PCDHA2: variants seen among roughly 807,000 people sequenced by gnomAD.
PCDHA2 encodes protocadherin alpha 2, also known as protocadherin alpha-2.
A neutral mutation model predicts 66.0 loss-of-function variants in PCDHA2; 58 were observed. That is an observed-to-expected ratio of 0.88 (90% CI 0.71 to 1.09). The LOEUF (loss-of-function observed/expected upper bound fraction) is 1.09, where lower values mean the gene tolerates loss of function less well. PCDHA2 is among the 50% of genes least tolerant of loss of function. The probability of loss-of-function intolerance (pLI) is 0.00; values close to 1 mark genes in which losing one functional copy is unlikely to be tolerated. For synonymous variants in PCDHA2, 634 were observed against 554.0 expected (o/e 1.14, Z -2.03); for missense variants, 1,267 against 1,242.3 (o/e 1.02, Z -0.30).
chr5:140,874,211 A>G (rs1257270226), intron 1 of PCDHA2, among the ~76,000 whole-genome samples: 1 of 152,220 alleles, frequency 6.6e-6, no homozygotes, highest in African/African-American at 2.4e-5. Context: ...CTTTATTATT[A>G]TATGCAGTAG....
chr5:140,829,193 G>A (rs2150163674), intron 1 of PCDHA2: 1 of 1,614,214 alleles, frequency 6.2e-7, no homozygotes, highest in Admixed American at 1.7e-5. Context: ...ATTTGGTACT[G>A]TCATCGCCCT....
intron 1 of PCDHA2, among the ~76,000 whole-genome samples, chr5:140,915,616 GTC>G (rs1166585947): frequency 7.5e-6 from 1 of 134,000 alleles, no homozygotes. Context: ...CTGTCAAACA[GTC>G]TCTTTCTGTC....
Position 141,009,718 on chromosome 5 carries a change from A to C in PCDHA2, c.2628A>C (p.Gln876His). The change falls in exon 4 of 4, where the codon CAA becomes CAC. Residue 876 changes from glutamine to histidine, a missense_variant. Coordinates refer to ENST00000526136, the MANE Select transcript of PCDHA2 (RefSeq NM_018905.3). Reference protein sequence around the residue: ...TFKYGPGNPKQSGPGELPDKF... With the variant: ...TFKYGPGNPKHSGPGELPDKF... Reference sequence around the variant, plus strand: ...AATACGGACCAGGCAACCCCAAACAATCCGGTCCCGGTGAGTTGCCCGACA... The same window carrying C: ...AATACGGACCAGGCAACCCCAAACACTCCGGTCCCGGTGAGTTGCCCGACA... 6.2e-7 allele frequency: 1 copy of C among 1,614,044 alleles called. No individual in the cohort carries two copies. Among genetic ancestry groups the C allele is most frequent in the Non-Finnish European group, 8.5e-7 (1 of 1,180,018 alleles).
At chr5:140,964,509 C>T (rs552530683) in intron 1 of PCDHA2, among the ~76,000 whole-genome samples, 1 of 152,258 alleles carries the variant, frequency 6.6e-6, no homozygotes, top group Non-Finnish European at 1.5e-5. Flanking sequence ...GGTCAATACC[C>T]AGTGGCCAGG....
At chr5:140,848,511 C>T in intron 1 of PCDHA2, 1 of 1,589,730 alleles carries the variant, frequency 6.3e-7, no homozygotes, top group Non-Finnish European at 8.6e-7. Context: ...ATACTCAAGT[C>T]GAGGAGATCC....
rs782803893 is a variant in PCDHA2, at chr5:140,927,898, C to G, written c.2389-51051C>G. 3.1e-6 allele frequency: 5 copies of G among 1,614,230 alleles called. No individual in the cohort carries two copies. In the South Asian group the frequency reaches 4.4e-5, roughly 14 times the overall value. On this transcript the variant is annotated intron_variant, in intron 1 of 3. Coordinates refer to ENST00000526136, the MANE Select transcript of PCDHA2 (RefSeq NM_018905.3). Reference sequence around the variant, plus strand: ...GGTGGAGGTGACTGACGTGAACGATCATGCCCCCGAACTGGACTTCCTGAC... The same window carrying G: ...GGTGGAGGTGACTGACGTGAACGATGATGCCCCCGAACTGGACTTCCTGAC...
intron 1 of PCDHA2, chr5:140,847,470 C>A (rs972055023): frequency 6.7e-6 from 1 of 149,674 alleles, no homozygotes; most frequent in Non-Finnish European, 1.5e-5. Context: ...TCGACTTGGA[C>A]GTTGGAATAA....
chr5:140,937,197 C>T (rs1228010742), intron 1 of PCDHA2, among the ~76,000 whole-genome samples: 2 of 151,938 alleles, frequency 1.3e-5, no homozygotes, highest in African/African-American at 2.4e-5. Flanking sequence ...GCCACCATGC[C>T]CGGCTAATTT....
At chr5:140,813,211 G>A (rs1765248486) in intron 1 of PCDHA2, 1 of 152,142 alleles carries the variant, frequency 6.6e-6, no homozygotes, top group African/African-American at 2.4e-5. Flanking sequence ...CTGTCTGAAT[G>A]TTCTATTCCT....
At chr5:140,863,308 G>A (rs782229195) in intron 1 of PCDHA2, 4 of 1,462,176 alleles carry the variant, frequency 2.7e-6, no homozygotes, top group Non-Finnish European at 3.7e-6. Context: ...CGCCATCTGC[G>A]TGGTGTCCAG....
chr5:140,980,635 A>AT (rs1224584187), intron 2 of PCDHA2, among the ~76,000 whole-genome samples: 1 of 152,232 alleles, frequency 6.6e-6, no homozygotes, highest in Non-Finnish European at 1.5e-5. Context: ...TCTCAGAAGA[A>AT]TAAATAAATG....
chr5:140,912,064 A>G (rs1388725837), intron 1 of PCDHA2, among the ~76,000 whole-genome samples: 10 of 152,216 alleles, frequency 6.6e-5, no homozygotes, highest in Non-Finnish European at 1.0e-4. Flanking sequence ...TTGGAGTCCA[A>G]TGTTCAAGGG....
chr5:140,886,705 A>T (rs1293719338), intron 1 of PCDHA2, among the ~76,000 whole-genome samples: 3 of 152,058 alleles, frequency 2.0e-5, no homozygotes, highest in Non-Finnish European at 2.9e-5. Flanking sequence ...ACGCGCCTGT[A>T]ATCCCAGCTA....
intron 1 of PCDHA2, chr5:140,926,720 T>C (rs2083499438): frequency 2.0e-6 from 2 of 1,002,404 alleles, no homozygotes; most frequent in Non-Finnish European, 2.7e-6. Flanking sequence ...GCCCCGGCAA[T>C]GCCGGCGTTC....
chr5:140,808,189 T>C (rs1764117121), intron 1 of PCDHA2: 3 of 1,614,240 alleles, frequency 1.9e-6, no homozygotes, highest in Non-Finnish European at 2.5e-6. Context: ...CTGGCCATTG[T>C]AGAGTTATTG....
intron 1 of PCDHA2, chr5:140,824,610 G>GGTTTTTTTTTT (rs1768189767): frequency 1.1e-5 from 1 of 95,104 alleles, no homozygotes; most frequent in African/African-American, 4.9e-5. Context: ...GCTAATTAAA[G>GGTTTTTTTTTT]TTTTTTTTTT....
At chr5:140,935,234 T>C (rs1160112983) in intron 1 of PCDHA2, among the ~76,000 whole-genome samples, 8 of 152,190 alleles carry the variant, frequency 5.3e-5, no homozygotes, top group Non-Finnish European at 1.2e-4. Context: ...GGATGTCTAT[T>C]TTTTAAAAGA....
At chr5:140,926,470 GT>G (rs1204371892) in intron 1 of PCDHA2, 7 of 162,858 alleles carry the variant, frequency 4.3e-5, no homozygotes, top group Non-Finnish European at 9.2e-5. Context: ...AGAAAACACC[GT>G]TTAAGGAGAG....
intron 1 of PCDHA2, chr5:140,830,026 C>T: frequency 1.2e-6 from 2 of 1,613,904 alleles, no homozygotes; most frequent in Non-Finnish European, 1.7e-6. Context: ...CTCCGCGCCA[C>T]CGGCTGCTGG....
Sources: allele counts gnomAD v4.1 joint callset (sites outside exome capture counted in the v4.1 genomes callset), GRCh38; gene constraint gnomAD v4.1.1; transcripts MANE v1.5; gene names NCBI Gene and HGNC (gene_info 2026-07-23, HGNC 2026-07-21).